Variants in PLCL1 observed in about 807,000 individuals in gnomAD.
PLCL1 encodes the protein inactive phospholipase C-like protein 1.
Under a neutral mutation model 84.4 loss-of-function variants are expected in PLCL1, and 41 were observed. The ratio of observed to expected loss-of-function variants is 0.49; its 90% CI spans 0.38 to 0.63. PLCL1 has a LOEUF of 0.63. Among genes scored for constraint, PLCL1 ranks in the 30% least tolerant of loss-of-function variants. PLCL1 has a pLI of 0.00. For synonymous variants in PLCL1, 490 were observed against 488.3 expected, an observed-to-expected ratio of 1.00 and a Z score of -0.05; for missense variants, 1,206 against 1,367.8, an observed-to-expected ratio of 0.88 and a Z score of 1.87.
At chr2:197,811,164 T>A (rs185884496) in intron 1 of PLCL1, among the ~76,000 whole-genome samples, 3 of 152,352 alleles carry the variant, frequency 2.0e-5, no homozygotes, top group African/African-American at 4.8e-5. Flanking sequence ...TAGGAAACAA[T>A]AGACAGAGTT....
At chr2:198,047,628 A>G (rs1427978883) in intron 1 of PLCL1, among the ~76,000 whole-genome samples, 1 of 152,182 alleles carries the variant, frequency 6.6e-6, no homozygotes, top group Admixed American at 6.5e-5. Flanking sequence ...GGACTAAATG[A>G]AGCTGGAATA....
intron 1 of PLCL1, among the ~76,000 whole-genome samples, chr2:198,015,370 C>T (rs1690972502): frequency 6.6e-6 from 1 of 152,118 alleles, no homozygotes; most frequent in Non-Finnish European, 1.5e-5. Context: ...CACATTCTCT[C>T]ATAAGGCACA....
chr2:197,956,044 C>A (rs1392275927), intron 1 of PLCL1, among the ~76,000 whole-genome samples: 1 of 151,800 alleles, frequency 6.6e-6, no homozygotes, highest in Admixed American at 6.6e-5. Context: ...TTGTTCAGCT[C>A]CCACTTATGA....
chr2:198,147,157 A>T lies in PLCL1; in HGVS notation c.*195A>T. Reference sequence around the variant, plus strand: ...TAAAGCCTTTAGTATCAGTGTTTTAAATTCTGAGACATGTGTCAACACCCC... The same window carrying T: ...TAAAGCCTTTAGTATCAGTGTTTTATATTCTGAGACATGTGTCAACACCCC... On this transcript the variant is annotated 3_prime_UTR_variant, in exon 6 of 6. Coordinates refer to ENST00000428675, the MANE Select transcript of PLCL1 (RefSeq NM_006226.4). 4.5e-6 allele frequency: 2 copies of T among 440,572 alleles called. No homozygotes were observed. The highest frequency in any genetic ancestry group is 4.0e-5 in the East Asian group (1 of 25,220). The allele number at this position is 440,572 out of a possible 1,614,324, so 27.3% of individuals were successfully genotyped here. A position where few individuals can be genotyped will look rare whatever the true frequency, so the allele number is the denominator to read the frequency against.
chr2:197,904,524 C>T (rs1383506364), intron 1 of PLCL1, among the ~76,000 whole-genome samples: 1 of 152,124 alleles, frequency 6.6e-6, no homozygotes, highest in Non-Finnish European at 1.5e-5. Flanking sequence ...ACTGAGCAGG[C>T]CCAGGAAGTC....
intron 5 of PLCL1, among the ~76,000 whole-genome samples, chr2:198,130,099 A>C (rs929633814): frequency 6.6e-6 from 1 of 152,016 alleles, no homozygotes; most frequent in Non-Finnish European, 1.5e-5. Flanking sequence ...GGCTCAAGCA[A>C]TCCTCCTGCT....
intron 1 of PLCL1, among the ~76,000 whole-genome samples, chr2:197,973,859 T>C (rs961512864): frequency 1.3e-5 from 2 of 152,222 alleles, no homozygotes; most frequent in Non-Finnish European, 2.9e-5. Flanking sequence ...TGATAGGCCC[T>C]GATTTGTATA....
intron 1 of PLCL1, among the ~76,000 whole-genome samples, chr2:197,892,582 T>G (rs1475231242): frequency 6.6e-6 from 1 of 152,226 alleles, no homozygotes; most frequent in African/African-American, 2.4e-5. Context: ...ATTTAATGTT[T>G]TTGTATAATT....
chr2:197,923,030 G>T (rs1688744040), intron 1 of PLCL1, among the ~76,000 whole-genome samples: 1 of 120,102 alleles, frequency 8.3e-6, no homozygotes, highest in Non-Finnish European at 1.8e-5. Context: ...GGGGCGGCCG[G>T]GCAGAGGCGC....
rs1437743885 is a variant in PLCL1, at chr2:197,933,822, C to CTA, written c.240+128494_240+128495dup. On this transcript the variant is annotated intron_variant, in intron 1 of 5. Coordinates refer to ENST00000428675, the MANE Select transcript of PLCL1 (RefSeq NM_006226.4). ...GGATAATTGTCTATATAATAATTGT[C>CTA]TATATATATATAATGGCCTCTATAA... 5.3e-5 allele frequency among the ~76,000 whole-genome samples: 8 copies of CTA among 151,698 alleles called. No individual in the cohort carries two copies. In the South Asian group the frequency reaches 8.4e-4, roughly 16 times the overall value.
In PLCL1 at chr2:197,976,723, A is replaced by G. The variant is rs141071925; in HGVS notation, c.241-107035A>G. Among the ~76,000 whole-genome samples, 3 of 152,358 alleles carry G rather than the reference A, an allele frequency of 2.0e-5. No individual in the cohort carries two copies. In the East Asian group the frequency reaches 5.8e-4, roughly 29 times the overall value. On this transcript the variant is annotated intron_variant, in intron 1 of 5. Coordinates refer to ENST00000428675, the MANE Select transcript of PLCL1 (RefSeq NM_006226.4). ...TGGCCTCCCAAAGTGCTGGGATTAC[A>G]GGCATGAGCCACTGTGCCCGGCCAA...
rs886234818 is a variant in PLCL1 at position 198,084,232 on chromosome 2, C to G, written c.715C>G (p.Pro239Ala). The G allele has an allele frequency of 1.2e-6, 2 of 1,613,940 alleles. No homozygotes were observed. The highest frequency in any genetic ancestry group is 2.7e-5 in the African/African-American group (2 of 74,902). ...TTTTATGGAGGGCAACCAGAACACA[C>G]CACGGTTCATGTGGTTGAAAACAGT... ...LDFMEGNQNT[P>A]RFMWLKTVFE... is the part of the protein sequence containing the mutation. Residue 239 changes from proline (P) to alanine (A), a missense_variant, in exon 2 of 6, where the codon CCA (proline) becomes GCA (alanine). Coordinates refer to ENST00000428675, the MANE Select transcript of PLCL1 (RefSeq NM_006226.4).
chr2:197,912,874 C>T (rs563188995), intron 1 of PLCL1, among the ~76,000 whole-genome samples: 13 of 142,094 alleles, frequency 9.1e-5, no homozygotes, highest in South Asian at 4.7e-4. Flanking sequence ...GTGGGTGCAG[C>T]GCACCAGCAT....
intron 1 of PLCL1, among the ~76,000 whole-genome samples, chr2:197,823,875 C>T (rs767118501): frequency 6.6e-6 from 1 of 152,152 alleles, no homozygotes; most frequent in Non-Finnish European, 1.5e-5. Context: ...TTGTCACTCT[C>T]TCTGTTCTTT....
intron 1 of PLCL1, among the ~76,000 whole-genome samples, chr2:197,998,803 C>G (rs1377618976): frequency 6.6e-6 from 1 of 152,124 alleles, no homozygotes; most frequent in East Asian, 1.9e-4. Flanking sequence ...GAACTACTTC[C>G]TTACTTCTAT....
chr2:197,893,420 A>G (rs1438916000), intron 1 of PLCL1, among the ~76,000 whole-genome samples: 2 of 152,220 alleles, frequency 1.3e-5, no homozygotes, highest in African/African-American at 4.8e-5. Flanking sequence ...AACTAAATAT[A>G]TATACAGGGA....
At chr2:198,139,996 C>T (rs1290735849) in intron 5 of PLCL1, among the ~76,000 whole-genome samples, 2 of 151,740 alleles carry the variant, frequency 1.3e-5, no homozygotes, top group East Asian at 1.9e-4. Context: ...GGCAGTGGTG[C>T]GATCTTGGCT....
intron 1 of PLCL1, among the ~76,000 whole-genome samples, chr2:197,828,989 A>C (rs1690995375): frequency 6.6e-6 from 1 of 152,182 alleles, no homozygotes; most frequent in African/African-American, 2.4e-5. Flanking sequence ...CACTAAAAAT[A>C]ATGAAAAATA....
intron 1 of PLCL1, among the ~76,000 whole-genome samples, chr2:197,945,101 T>C (rs1689245568): frequency 1.3e-5 from 2 of 152,364 alleles, no homozygotes; most frequent in South Asian, 4.1e-4. Context: ...GTTTAAAATC[T>C]AATTTATAGC....
Sources: gnomAD v4.1 joint callset for allele counts (sites outside exome capture counted in the v4.1 genomes callset) on GRCh38, gnomAD v4.1.1 for gene constraint, MANE v1.5 for transcripts, NCBI Gene and HGNC (gene_info 2026-07-23, HGNC 2026-07-21) for gene names.